The following FCHO2 variants were observed in gnomAD, a reference collection of about 807,000 sequenced individuals.
FCHO2 encodes the protein FCH and mu domain containing endocytic adaptor 2.
FCHO2 carries 43 observed loss-of-function variants against 114.1 expected under a neutral mutation model. That is an observed-to-expected ratio of 0.38 (90% CI 0.30 to 0.49). FCHO2 has a LOEUF of 0.49. Among genes scored for constraint, FCHO2 ranks in the 20% least tolerant of loss-of-function variants. FCHO2 has a pLI of 0.97. For synonymous variants in FCHO2, 293 were observed against 315.2 expected (o/e 0.93, Z 0.75); for missense variants, 807 against 950.4 (o/e 0.85, Z 1.98).
intron 10 of FCHO2, 117 bp from the exon 11 acceptor site, chr5:73,041,174 T>G: frequency 1.5e-6 from 1 of 661,696 alleles, no homozygotes; most frequent in Non-Finnish European, 2.6e-6. Context: ...TTTCTCTGAA[T>G]ATTTTTTGTA....
At chr5:73,053,869 T>A (rs1757452301) in intron 13 of FCHO2, among the ~76,000 whole-genome samples, 1 of 149,734 alleles carries the variant, frequency 6.7e-6, no homozygotes, top group South Asian at 2.1e-4. Flanking sequence ...ATTTTCTCTT[T>A]TGTACTCTTC....
At chr5:73,062,052 G>A (rs544581225) in intron 17 of FCHO2, among the ~76,000 whole-genome samples, 4 of 151,970 alleles carry the variant, frequency 2.6e-5, no homozygotes, top group South Asian at 2.1e-4. Flanking sequence ...AGCCCTTATC[G>A]CCTATGTTTT....
intron 8 of FCHO2, among the ~76,000 whole-genome samples, chr5:73,022,494 T>G (rs1755682372): frequency 6.6e-6 from 1 of 152,202 alleles, no homozygotes; most frequent in Non-Finnish European, 1.5e-5. Flanking sequence ...CCTAAGACAC[T>G]GCTCAGCCAA....
At position 73,009,915 on chromosome 5, in the gene FCHO2, T is replaced by C. The variant is rs546472482; in HGVS notation, c.600+3366T>C. Among the ~76,000 whole-genome samples, 19 of 152,372 alleles carry C rather than the reference T, an allele frequency of 1.2e-4. No individual in the cohort carries two copies. The East Asian group carries it at 3.7e-3, about 29-fold the overall frequency. Reference sequence around the variant, plus strand: ...CTGCTTTTAAATAAAGATGATGGCATACTTTACTAATGTGTGTGTATTTGT... The same window carrying C: ...CTGCTTTTAAATAAAGATGATGGCACACTTTACTAATGTGTGTGTATTTGT... On this transcript the variant is annotated intron_variant, in intron 6 of 25. Transcript: ENST00000430046.
rs1426371057 is a variant in FCHO2, at chr5:72,997,041, G to A, written c.495+6177G>A. 10 of 1,367,916 alleles carry A rather than the reference G, an allele frequency of 7.3e-6. No individual in the cohort carries two copies. The East Asian group carries it at 9.2e-5, about 13-fold the overall frequency. The allele number at this position is 1,367,916 out of a possible 1,614,324, so 84.7% of individuals were successfully genotyped here. ...ATGGTAATTCAGCACCAAACTGTTCGATATGATATCATCCCCTTATCTTCT... is the reference window on the plus strand; with the variant it reads ...ATGGTAATTCAGCACCAAACTGTTCAATATGATATCATCCCCTTATCTTCT... On this transcript the variant is annotated intron_variant, in intron 5 of 25. Transcript: ENST00000430046.
intron 1 of FCHO2, among the ~76,000 whole-genome samples, chr5:72,962,516 A>C (rs1264609748): frequency 6.6e-6 from 1 of 152,154 alleles, no homozygotes; most frequent in Non-Finnish European, 1.5e-5. Flanking sequence ...TAGAAATTCA[A>C]ATGGAAATAG....
chr5:73,066,374 G>A (rs905599974), intron 18 of FCHO2, among the ~76,000 whole-genome samples: 9 of 151,940 alleles, frequency 5.9e-5, no homozygotes, highest in South Asian at 2.1e-4. Context: ...TTAGTTCCAT[G>A]TTTTTGTTAT....
At chr5:73,083,197 T>G (rs1232490620) in intron 24 of FCHO2, among the ~76,000 whole-genome samples, 1 of 152,138 alleles carries the variant, frequency 6.6e-6, no homozygotes, top group Non-Finnish European at 1.5e-5. Flanking sequence ...GGTGCACCGT[T>G]CCTGGAAGCA....
intron 1 of FCHO2, 93 bp downstream of exon 1, chr5:72,956,222 C>T: frequency 2.0e-6 from 3 of 1,486,786 alleles, no homozygotes; most frequent in South Asian, 2.5e-5. Context: ...GCGGCGGCGG[C>T]CCCTCCGGCA....
At chr5:73,036,557 G>C (rs1756521590) in intron 9 of FCHO2, among the ~76,000 whole-genome samples, 1 of 151,402 alleles carries the variant, frequency 6.6e-6, no homozygotes, top group South Asian at 2.1e-4. Context: ...GTATTTTTTT[G>C]TAGAGACAGG....
intron 21 of FCHO2, 130 bp downstream of exon 21, chr5:73,077,623 T>A (rs1742956035): frequency 1.0e-6 from 1 of 996,804 alleles, no homozygotes; most frequent in Non-Finnish European, 1.4e-6. Flanking sequence ...TGAGCCCAGT[T>A]GTTCAAAACC....
intron 8 of FCHO2, chr5:73,020,873 C>T: frequency 9.7e-7 from 1 of 1,030,936 alleles, no homozygotes; most frequent in Non-Finnish European, 1.5e-6. Context: ...AAGTGTAGCA[C>T]CTGTATCAGC....
chr5:73,085,104 A>C (rs1486726030), intron 24 of FCHO2, among the ~76,000 whole-genome samples: 1 of 152,248 alleles, frequency 6.6e-6, no homozygotes, highest in African/African-American at 2.4e-5. Context: ...TAATCCCAGC[A>C]CTTTGGGAGG....
chr5:73,038,735 A>G (rs897147011), intron 10 of FCHO2, among the ~76,000 whole-genome samples: 7 of 152,204 alleles, frequency 4.6e-5, no homozygotes, highest in Non-Finnish European at 5.9e-5. Flanking sequence ...AGTCATCTAT[A>G]TCTATAGTTA....
intron 8 of FCHO2, among the ~76,000 whole-genome samples, chr5:73,025,763 A>G (rs966567703): frequency 2.6e-5 from 4 of 152,214 alleles, no homozygotes; most frequent in Non-Finnish European, 4.4e-5. Flanking sequence ...TGTGCTTCCT[A>G]GAAAAATAAC....
intron 2 of FCHO2, among the ~76,000 whole-genome samples, chr5:72,986,952 C>T (rs1447845391): frequency 6.7e-6 from 1 of 150,340 alleles, no homozygotes; most frequent in Non-Finnish European, 1.5e-5. Flanking sequence ...CATCTCGGCT[C>T]ACTGCAACCT....
At chr5:73,054,013 CT>C in intron 13 of FCHO2, 146 bp from the exon 14 acceptor site, 1 of 442,304 alleles carries the variant, frequency 2.3e-6, no homozygotes, top group Non-Finnish European at 3.9e-6. Flanking sequence ...GCCTCATTTG[CT>C]TAACTTTTTC....
chr5:73,058,746 A>C (rs115475325), intron 17 of FCHO2, among the ~76,000 whole-genome samples: 2 of 152,092 alleles, frequency 1.3e-5, no homozygotes, highest in African/African-American at 4.8e-5. Context: ...TTAAATTGGC[A>C]TGTTATTTCT....
chr5:73,013,366 G>T (rs556765472), intron 6 of FCHO2, among the ~76,000 whole-genome samples: 58 of 152,124 alleles, frequency 3.8e-4, no homozygotes, highest in African/African-American at 1.3e-3. Flanking sequence ...TATAGGGTCA[G>T]GGAATTAAAT....
Sources: allele counts gnomAD v4.1 joint callset (sites outside exome capture counted in the v4.1 genomes callset), GRCh38; gene constraint gnomAD v4.1.1; transcripts MANE v1.5; gene names NCBI Gene and HGNC (gene_info 2026-07-23, HGNC 2026-07-21).